Variants in KCND2 observed in about 807,000 individuals in gnomAD.
The protein encoded by KCND2 is potassium voltage-gated channel subfamily D member 2.
In KCND2, 16 loss-of-function variants were observed where a neutral mutation model predicts 54.4. The observed-to-expected ratio is 0.29, with a 90% confidence interval of 0.20 to 0.45. KCND2 has a LOEUF of 0.45. Ranked by LOEUF, KCND2 falls within the 20% of genes least tolerant of loss-of-function variation. KCND2 has a pLI of 1.00. For missense variants in KCND2, 486 were observed against 824.2 expected, an observed-to-expected ratio of 0.59 and a Z score of 5.02; for synonymous variants, 317 against 310.7, an observed-to-expected ratio of 1.02 and a Z score of -0.21.
chr7:120,441,526 T>C (rs903530412), intron 1 of KCND2, among the ~76,000 whole-genome samples: 13 of 152,102 alleles, frequency 8.5e-5, no homozygotes, highest in African/African-American at 3.1e-4. Flanking sequence ...ATTTTTATTA[T>C]GTAAAGATTA....
At chr7:120,428,528 G>T (rs1801746105) in intron 1 of KCND2, among the ~76,000 whole-genome samples, 1 of 152,164 alleles carries the variant, frequency 6.6e-6, no homozygotes, top group Non-Finnish European at 1.5e-5. Context: ...ATATTTGTTT[G>T]CTTTTTTAAT....
chr7:120,314,004 T>C (rs113075100), intron 1 of KCND2, among the ~76,000 whole-genome samples: 4 of 151,206 alleles, frequency 2.6e-5, no homozygotes, highest in African/African-American at 9.7e-5. Context: ...CAAAAAGAGT[T>C]CTATACTAGG....
intron 1 of KCND2, among the ~76,000 whole-genome samples, chr7:120,416,402 A>G (rs1184319422): frequency 6.6e-6 from 1 of 152,188 alleles, no homozygotes; most frequent in Admixed American, 6.5e-5. Flanking sequence ...TACATAGCTC[A>G]AAAATCACTT....
chr7:120,542,532 T>A (rs1413621779), intron 1 of KCND2, among the ~76,000 whole-genome samples: 2 of 152,096 alleles, frequency 1.3e-5, no homozygotes, highest in East Asian at 1.9e-4. Context: ...GCATAAGGAG[T>A]GTGACCTAAT....
intron 1 of KCND2, among the ~76,000 whole-genome samples, chr7:120,332,291 T>A (rs780258678): frequency 1.4e-4 from 21 of 152,060 alleles, no homozygotes; most frequent in Non-Finnish European, 2.5e-4. Context: ...CATTTTAAAA[T>A]GTTCATAACT....
intron 1 of KCND2, among the ~76,000 whole-genome samples, chr7:120,395,317 T>A (rs1208980319): frequency 6.6e-6 from 1 of 152,080 alleles, no homozygotes; most frequent in East Asian, 1.9e-4. Context: ...TATAAATAAA[T>A]GTTAGCTAGA....
chr7:120,360,894 T>G (rs1170490751), intron 1 of KCND2, among the ~76,000 whole-genome samples: 1 of 152,154 alleles, frequency 6.6e-6, no homozygotes, highest in Non-Finnish European at 1.5e-5. Context: ...TTGTTTTTCT[T>G]TTTCTACTTT....
intron 1 of KCND2, among the ~76,000 whole-genome samples, chr7:120,621,276 C>CAAAAAAAAAAA (rs1175736454): frequency 9.7e-4 from 46 of 47,206 alleles, no homozygotes; most frequent in African/African-American, 2.9e-3. Flanking sequence ...GACTCCGTCT[C>CAAAAAAAAAAA]AAAAAAAAAA....
intron 1 of KCND2, among the ~76,000 whole-genome samples, chr7:120,451,024 C>T (rs1203931342): frequency 6.6e-6 from 1 of 152,214 alleles, no homozygotes; most frequent in Non-Finnish European, 1.5e-5. Context: ...CTTCCCTTCT[C>T]CTATCCTTCC....
intron 1 of KCND2, among the ~76,000 whole-genome samples, chr7:120,616,154 A>G (rs1259380602): frequency 1.3e-5 from 2 of 152,244 alleles, no homozygotes; most frequent in Non-Finnish European, 2.9e-5. Flanking sequence ...ACTGGATTTC[A>G]CAGGCTTAAA....
chr7:120,375,028 G>T (rs1439784916), intron 1 of KCND2, among the ~76,000 whole-genome samples: 2 of 151,952 alleles, frequency 1.3e-5, no homozygotes, highest in East Asian at 3.9e-4. Flanking sequence ...CTTTAACAGA[G>T]ATGTCTCTTG....
At chr7:120,742,401 TA>T in intron 3 of KCND2, 108 bp from the exon 4 acceptor site, 1 of 884,264 alleles carries the variant, frequency 1.1e-6, no homozygotes, top group Non-Finnish European at 1.9e-6. Flanking sequence ...TAGAAAAAAA[TA>T]AAATGTTGCC....
intron 1 of KCND2, among the ~76,000 whole-genome samples, chr7:120,439,924 T>C (rs1452687264): frequency 6.6e-6 from 1 of 152,106 alleles, no homozygotes; most frequent in African/African-American, 2.4e-5. Context: ...GTTGTTTCCA[T>C]ATTTTGGCTA....
At chr7:120,435,187 A>G (rs1477695028) in intron 1 of KCND2, among the ~76,000 whole-genome samples, 1 of 151,636 alleles carries the variant, frequency 6.6e-6, no homozygotes, top group Non-Finnish European at 1.5e-5. Context: ...ACTCATTGCA[A>G]CCACCACCTC....
At chr7:120,635,867 T>G (rs1313001675) in intron 1 of KCND2, among the ~76,000 whole-genome samples, 1 of 152,186 alleles carries the variant, frequency 6.6e-6, no homozygotes, top group Non-Finnish European at 1.5e-5. Flanking sequence ...TCTTAAAGTC[T>G]CCAAGAACAA....
At chr7:120,518,628 G>A (rs757019965) in intron 1 of KCND2, among the ~76,000 whole-genome samples, 5 of 152,052 alleles carry the variant, frequency 3.3e-5, no homozygotes, top group South Asian at 2.1e-4. Flanking sequence ...ATGTTAGAAC[G>A]AATCTAAATT....
intron 1 of KCND2, among the ~76,000 whole-genome samples, chr7:120,422,261 A>C (rs1328995633): frequency 6.6e-6 from 1 of 152,178 alleles, no homozygotes; most frequent in East Asian, 1.9e-4. Context: ...AAAATTTAAA[A>C]CTTTTTGTTG....
At chr7:120,390,682 C>T (rs1453632828) in intron 1 of KCND2, among the ~76,000 whole-genome samples, 1 of 151,800 alleles carries the variant, frequency 6.6e-6, no homozygotes, top group African/African-American at 2.4e-5. Context: ...TTTTTTGTTT[C>T]CTTCATTTTG....
intron 1 of KCND2, among the ~76,000 whole-genome samples, chr7:120,599,370 A>C (rs1219065176): frequency 6.6e-6 from 1 of 152,090 alleles, no homozygotes. Context: ...TCAAAAAAAA[A>C]TCTGCTGAAA....
Sources: allele counts gnomAD v4.1 joint callset (sites outside exome capture counted in the v4.1 genomes callset), GRCh38; gene constraint gnomAD v4.1.1; transcripts MANE v1.5; gene names NCBI Gene and HGNC (gene_info 2026-07-23, HGNC 2026-07-21).